Variants in SRSF3 observed in about 807,000 individuals in gnomAD.
SRSF3 encodes the protein serine/arginine-rich splicing factor 3.
For synonymous variants in SRSF3, 87 were observed against 73.6 expected, an observed-to-expected ratio of 1.18 and a Z score of -0.93; for missense variants, 58 against 217.1, an observed-to-expected ratio of 0.27 and a Z score of 4.61.
intron 2 of SRSF3, among the ~76,000 whole-genome samples, chr6:36,597,660 A>G (rs1778653255): frequency 6.6e-6 from 1 of 151,884 alleles, no homozygotes; most frequent in Admixed American, 6.6e-5. Flanking sequence ...CTGAGTGTTC[A>G]CTGTAAAGCT....
intron 3 of SRSF3, chr6:36,600,951 G>A: frequency 6.6e-6 from 3 of 458,008 alleles, no homozygotes; most frequent in South Asian, 3.9e-5. Context: ...TTTCACTTGA[G>A]CTTTTTGTTT....
chr6:36,596,582 GGGA>G (rs1228905466), intron 1 of SRSF3, among the ~76,000 whole-genome samples, 176 bp from the exon 2 acceptor site: 2 of 144,272 alleles, frequency 1.4e-5, no homozygotes, highest in Non-Finnish European at 3.0e-5. Flanking sequence ...GGCGGGGGGG[GGGA>G]AATGGGTGCT....
intron 1 of SRSF3, among the ~76,000 whole-genome samples, chr6:36,595,316 C>T (rs1219250518): frequency 3.9e-5 from 6 of 152,172 alleles, no homozygotes; most frequent in Admixed American, 2.6e-4. Context: ...AATAAGTCCC[C>T]AAAGTGCAGT....
chr6:36,599,251 C>T (rs577944609), intron 3 of SRSF3, among the ~76,000 whole-genome samples: 4 of 152,230 alleles, frequency 2.6e-5, no homozygotes, highest in African/African-American at 7.2e-5. Flanking sequence ...CAAATCTTCC[C>T]TTATACTTCA....
rs1778769762 is a variant in SRSF3, at chr6:36,603,990, C to G, written c.*2001C>G. 1.7e-5 allele frequency: 4 copies of G among 230,376 alleles called. No individual in the cohort carries two copies. Among genetic ancestry groups the G allele is most frequent in the South Asian group, 3.6e-4 (2 of 5,494 alleles). The allele number at this position is 230,376 out of a possible 1,614,324, so 14.3% of individuals were successfully genotyped here. ...GAGTTATCCTGACTTAGGTGACATA[C>G]AGTCCCAGTTGGCAGTTACTTTAAC... is the stretch of plus-strand genomic sequence containing the variant. On this transcript the variant is annotated 3_prime_UTR_variant, in exon 6 of 6. Coordinates refer to ENST00000373715, the MANE Select transcript of SRSF3 (RefSeq NM_003017.5).
rs1452593601 is a variant in SRSF3 at position 36,594,371 on chromosome 6, C to T, written c.-113C>T. 1.3e-5 allele frequency: 2 copies of T among 152,498 alleles called. No individual in the cohort carries two copies. Among genetic ancestry groups the T allele is most frequent in the Admixed American group, 6.5e-5 (1 of 15,280 alleles). 9.4% of individuals were successfully genotyped at this position (152,498 alleles called of 1,614,324 possible). ...AGGAGAAGGCGGTGGTCCGCCATTTCGTGGACGCCGGGTGAGTGAGAGAGT... is the reference window on the plus strand; with the variant it reads ...AGGAGAAGGCGGTGGTCCGCCATTTTGTGGACGCCGGGTGAGTGAGAGAGT... On this transcript the variant is annotated 5_prime_UTR_variant, in exon 1 of 6. Transcript: ENST00000373715.
chr6:36,598,740 A>G, intron 2 of SRSF3, 109 bp from the exon 3 acceptor site: 1 of 1,299,088 alleles, frequency 7.7e-7, no homozygotes, highest in Non-Finnish European at 1.1e-6. Context: ...TAAATTGCAC[A>G]GACACTTAGG....
chr6:36,600,455 G>C (rs1183405494), intron 3 of SRSF3: 1 of 224,080 alleles, frequency 4.5e-6, no homozygotes, highest in Non-Finnish European at 7.5e-6. Context: ...AGGCCTTCAA[G>C]TGAAACTTAT....
intron 1 of SRSF3, 124 bp from the exon 2 acceptor site, chr6:36,596,637 T>A: frequency 1.2e-6 from 1 of 803,824 alleles, no homozygotes; most frequent in Non-Finnish European, 2.0e-6. Flanking sequence ...ATTTTTGTAA[T>A]TTTTTTTTCT....
intron 3 of SRSF3, 160 bp from the exon 4 acceptor site, chr6:36,600,992 C>CTTTTTTTTGTTTTTTTTTTTTTTTTTTT: frequency 3.0e-6 from 1 of 338,966 alleles, no homozygotes. Flanking sequence ...TTTTTCTTTT[C>CTTTTTTTTGTTTTTTTTTTTTTTTTTTT]TTTTTTTTCT....
In SRSF3 at chr6:36,603,236, A is replaced by AT. The variant is rs1778749475; in HGVS notation, c.*1249dup. ...ATGAAAACTTTCCACAGGTCTAAAA[A>AT]TTGCTTCCATTTTATAATTTGAGGT... On this transcript the variant is annotated 3_prime_UTR_variant, in exon 6 of 6. Transcript: ENST00000373715. The AT allele has an allele frequency of 8.9e-6, 2 of 224,642 alleles. No homozygotes were observed. The highest frequency in any genetic ancestry group is 1.1e-4 in the Admixed American group (2 of 17,454). 13.9% of individuals were successfully genotyped at this position (224,642 alleles called of 1,614,324 possible).
rs564661681 is a variant in SRSF3 at position 36,603,192 on chromosome 6, A to G, written c.*1203A>G. The G allele has an allele frequency of 4.0e-5, 9 of 224,756 alleles. No individual in the cohort carries two copies. Among genetic ancestry groups the G allele is most frequent in the East Asian group, 6.5e-5 (1 of 15,472 alleles). 13.9% of individuals were successfully genotyped at this position (224,756 alleles called of 1,614,324 possible). On this transcript the variant is annotated 3_prime_UTR_variant, in exon 6 of 6. Transcript: ENST00000373715. ...ACACAAAGTAAGTTGCCCATTAACAAATGGCTTTTATCTTTAGCATGAAAA... is the reference window on the plus strand; with the variant it reads ...ACACAAAGTAAGTTGCCCATTAACAGATGGCTTTTATCTTTAGCATGAAAA...
chr6:36,597,336 C>T (rs1778647434), intron 2 of SRSF3: 1 of 245,794 alleles, frequency 4.1e-6, no homozygotes, highest in Non-Finnish European at 8.1e-6. Context: ...GAACTCCTGA[C>T]CCCAGGTGAT....
intron 2 of SRSF3, among the ~76,000 whole-genome samples, chr6:36,597,877 T>A (rs1282472369): frequency 6.6e-6 from 1 of 150,778 alleles, no homozygotes; most frequent in Non-Finnish European, 1.5e-5. Context: ...ATTTAAAAAA[T>A]AATACAGACG....
chr6:36,598,649 T>A (rs1778670426), intron 2 of SRSF3, 200 bp from the exon 3 acceptor site: 1 of 558,818 alleles, frequency 1.8e-6, no homozygotes, highest in South Asian at 2.4e-5. Context: ...CATAAAGTGT[T>A]GGGATTACAG....
In SRSF3 at chr6:36,595,337, G is replaced by A. The variant is rs16888868; in HGVS notation, c.-3+856G>A. 3.0e-3 allele frequency among the ~76,000 whole-genome samples: 458 copies of A among 152,326 alleles called. 2 individuals are homozygous for A. The highest frequency in any genetic ancestry group is 0.011 in the African/African-American group (438 of 41,576). ...TCCCCAAAGTGCAGTAAATTTTTTA[G>A]TAGCAAATATCTCTTTGTAATTTTT... On this transcript the variant is annotated intron_variant, in intron 1 of 5. Coordinates refer to ENST00000373715, the MANE Select transcript of SRSF3 (RefSeq NM_003017.5).
At position 36,604,377 on chromosome 6, in the gene SRSF3, G is replaced by T. The variant is rs977552191; in HGVS notation, c.*2388G>T. 2.0e-5 allele frequency: 4 copies of T among 204,514 alleles called. No individual in the cohort carries two copies. The highest frequency in any genetic ancestry group is 4.0e-5 in the Non-Finnish European group (4 of 99,936). The allele number at this position is 204,514 out of a possible 1,614,324, so 12.7% of individuals were successfully genotyped here. Reference sequence around the variant, plus strand: ...CCTAGCACTTTGGGAGGCTAGGGCGGGTGGGAGGATCTCTTGAAGCCAGGA... The same window carrying T: ...CCTAGCACTTTGGGAGGCTAGGGCGTGTGGGAGGATCTCTTGAAGCCAGGA... On this transcript the variant is annotated 3_prime_UTR_variant, in exon 6 of 6. Transcript: ENST00000373715.
In SRSF3 at chr6:36,605,316, C is replaced by T. The variant is rs145766121; in HGVS notation, c.*3327C>T. The T allele has an allele frequency of 5.3e-4, 81 of 152,004 alleles. No homozygotes were observed. The highest frequency in any genetic ancestry group is 1.9e-3 in the African/African-American group (77 of 41,442). 9.4% of individuals were successfully genotyped at this position (152,004 alleles called of 1,614,324 possible). ...ACCAGCTTGGTCAACATGGTGAAAC[C>T]CCGTCTCTACTAACAGTACAAAAAT... On this transcript the variant is annotated 3_prime_UTR_variant, in exon 6 of 6. Coordinates refer to ENST00000373715, the MANE Select transcript of SRSF3 (RefSeq NM_003017.5).
In SRSF3 at chr6:36,605,229, C is replaced by G. The variant is rs1023189762; in HGVS notation, c.*3240C>G. The G allele has an allele frequency of 6.6e-6, 1 of 152,122 alleles. No homozygotes were observed. Among genetic ancestry groups the G allele is most frequent in the African/African-American group, 2.4e-5 (1 of 41,424 alleles). 9.4% of individuals were successfully genotyped at this position (152,122 alleles called of 1,614,324 possible). On this transcript the variant is annotated 3_prime_UTR_variant, in exon 6 of 6. Coordinates refer to ENST00000373715, the MANE Select transcript of SRSF3 (RefSeq NM_003017.5). ...TTTTGGCTGGGTGTGATGGCTCATG[C>G]CTGTAATCCCGGTGCATTGGGAGGT... is the stretch of plus-strand genomic sequence containing the variant.
Sources: gnomAD v4.1 joint callset for allele counts (sites outside exome capture counted in the v4.1 genomes callset) on GRCh38, gnomAD v4.1.1 for gene constraint, MANE v1.5 for transcripts, NCBI Gene and HGNC (gene_info 2026-07-23, HGNC 2026-07-21) for gene names.